Variants in CAPRIN2 observed in about 807,000 individuals in gnomAD.
CAPRIN2 encodes the protein caprin family member 2, also known as caprin-2.
CAPRIN2 carries 66 observed loss-of-function variants against 130.4 expected under a neutral mutation model. The ratio of observed to expected loss-of-function variants is 0.51; its 90% CI spans 0.42 to 0.62. CAPRIN2 has a LOEUF of 0.62. Among genes scored for constraint, CAPRIN2 ranks in the 20% least tolerant of loss-of-function variants. The pLI is 0.00. For missense variants in CAPRIN2, 1,185 were observed against 1,246.6 expected, an observed-to-expected ratio of 0.95 and a Z score of 0.74; for synonymous variants, 471 against 444.1, an observed-to-expected ratio of 1.06 and a Z score of -0.76.
intron 8 of CAPRIN2, 39 bp downstream of exon 9, chr12:30,728,609 C>T (rs768243834): frequency 1.2e-5 from 18 of 1,496,652 alleles, no homozygotes; most frequent in Non-Finnish European, 2.7e-6. Context: ...CTTATTTATG[C>T]CTACACTTAC....
intron 2 of CAPRIN2, among the ~76,000 whole-genome samples, chr12:30,741,490 A>C (rs2067415455): frequency 6.6e-6 from 1 of 152,210 alleles, no homozygotes; most frequent in Non-Finnish European, 1.5e-5. Flanking sequence ...GAGATGAACA[A>C]GCAACTTCAA....
At chr12:30,746,482 T>A (rs1163133963) in intron 2 of CAPRIN2, among the ~76,000 whole-genome samples, 2 of 152,192 alleles carry the variant, frequency 1.3e-5, no homozygotes, top group South Asian at 2.1e-4. Context: ...CTTTGGGTGA[T>A]GATGATGTGT....
At chr12:30,746,064 T>C (rs963568605) in intron 2 of CAPRIN2, among the ~76,000 whole-genome samples, 1 of 152,332 alleles carries the variant, frequency 6.6e-6, no homozygotes, top group South Asian at 2.1e-4. Context: ...GCACAGATAG[T>C]TTCTCACACA....
chr12:30,715,355 T>G, intron 13 of CAPRIN2: 1 of 626,022 alleles, frequency 1.6e-6, no homozygotes, highest in East Asian at 3.1e-5. Flanking sequence ...GGAAGAAAAT[T>G]TTGACCCATG....
chr12:30,742,033 C>T (rs1159864697), intron 2 of CAPRIN2, among the ~76,000 whole-genome samples: 1 of 151,952 alleles, frequency 6.6e-6, no homozygotes, highest in Non-Finnish European at 1.5e-5. Flanking sequence ...GTAAAAGAAG[C>T]CAGATGCAGA....
rs529923251 is a variant in CAPRIN2 at position 30,716,015 on chromosome 12, C to G, written c.2317+493G>C. 4.8e-3 allele frequency: 747 copies of G among 155,726 alleles called. 1 individual carries two copies. The highest frequency in any genetic ancestry group is 8.3e-3 in the Non-Finnish European group (589 of 70,558). The allele number at this position is 155,726 out of a possible 1,614,324, so 9.6% of individuals were successfully genotyped here. On this transcript the variant is annotated intron_variant, in intron 13 of 16. Transcript: ENST00000298892. ...TTAAATTTAAATTAAGAAATGAGTA[C>G]AAAGTTACCTATTCTTTCATGATTT...
chr12:30,744,475 G>T (rs2068962312), intron 2 of CAPRIN2, among the ~76,000 whole-genome samples: 1 of 152,102 alleles, frequency 6.6e-6, no homozygotes, highest in Non-Finnish European at 1.5e-5. Context: ...AAGGCTCTTT[G>T]TAAAAAACCA....
chr12:30,717,455 A>G (rs2057995476), intron 12 of CAPRIN2, among the ~76,000 whole-genome samples: 1 of 152,194 alleles, frequency 6.6e-6, no homozygotes, highest in Non-Finnish European at 1.5e-5. Flanking sequence ...TTTAATGAGT[A>G]CTGAGTTTCT....
At chr12:30,731,861 T>G (rs1036440356) in intron 5 of CAPRIN2, among the ~76,000 whole-genome samples, 10 of 151,918 alleles carry the variant, frequency 6.6e-5, no homozygotes, top group African/African-American at 2.4e-4. Flanking sequence ...ATCAAGTATG[T>G]CACAAAAGCA....
At chr12:30,747,375 G>T (rs146566413) in intron 2 of CAPRIN2, among the ~76,000 whole-genome samples, 6 of 152,064 alleles carry the variant, frequency 3.9e-5, no homozygotes, top group Non-Finnish European at 8.8e-5. Flanking sequence ...TGACTTTCAC[G>T]TCTTCTTAAG....
At chr12:30,754,242 A>AAT in exon 1 of CAPRIN2, 1 of 156,610 alleles carries the variant, frequency 6.4e-6, no homozygotes. Flanking sequence ...TGTTTGGTTT[A>AAT]GACTAGCCCA....
exon 8 of CAPRIN2, chr12:30,728,921 T>C (rs1163854125): frequency 6.2e-7 from 1 of 1,614,094 alleles, no homozygotes; most frequent in Non-Finnish European, 8.5e-7. Flanking sequence ...GATCTTGTTC[T>C]TTCTGCAGCT....
chr12:30,714,539 AAC>A (rs1386783584), intron 14 of CAPRIN2, among the ~76,000 whole-genome samples: 2 of 152,178 alleles, frequency 1.3e-5, no homozygotes, highest in African/African-American at 4.8e-5. Context: ...GAACCATAAC[AAC>A]AGTTTAAGAG....
chr12:30,742,132 T>C (rs112532809), intron 2 of CAPRIN2, among the ~76,000 whole-genome samples: 2,353 of 152,184 alleles, frequency 0.015, 59 homozygotes, highest in African/African-American at 0.053. Context: ...GGGGGGATGA[T>C]AGGAATACTC....
chr12:30,752,295 G>A (rs751308185), intron 1 of CAPRIN2, among the ~76,000 whole-genome samples: 3 of 152,042 alleles, frequency 2.0e-5, no homozygotes, highest in Non-Finnish European at 4.4e-5. Context: ...TTTCCCAGAA[G>A]GTTGAAACAA....
chr12:30,753,665 G>C (rs1211155180), exon 1 of CAPRIN2: 1 of 1,614,190 alleles, frequency 6.2e-7, no homozygotes, highest in Non-Finnish European at 8.5e-7. Context: ...GACACAGCCA[G>C]GCAATAACTT....
chr12:30,752,418 C>T lies in CAPRIN2; in HGVS notation c.420+926G>A, dbSNP rs12228279. 1.8e-4 allele frequency among the ~76,000 whole-genome samples: 28 copies of T among 152,222 alleles called. No individual in the cohort carries two copies. In the East Asian group the frequency reaches 4.4e-3, roughly 24 times the overall value. On this transcript the variant is annotated intron_variant, in intron 1 of 16. Coordinates refer to ENST00000298892, the Ensembl canonical transcript of CAPRIN2. ...CCTGAGGGAGGCTCCGTCAATAGAT[C>T]CTGCTTTGATCATTTATCACAGTGA... is the stretch of plus-strand genomic sequence containing the variant.
chr12:30,722,799 C>G (rs1285292836), intron 11 of CAPRIN2, among the ~76,000 whole-genome samples: 1 of 152,032 alleles, frequency 6.6e-6, no homozygotes, highest in Non-Finnish European at 1.5e-5. Context: ...ACTCGGGAGG[C>G]TGAGACACAG....
chr12:30,715,682 C>G (rs1246958374), intron 13 of CAPRIN2: 2 of 222,356 alleles, frequency 9.0e-6, no homozygotes, highest in Admixed American at 5.3e-5. Flanking sequence ...GTTATGTATA[C>G]TTTACGACAA....
Sources: gnomAD v4.1 joint callset for allele counts (sites outside exome capture counted in the v4.1 genomes callset) on GRCh38, gnomAD v4.1.1 for gene constraint, MANE v1.5 for transcripts, NCBI Gene and HGNC (gene_info 2026-07-23, HGNC 2026-07-21) for gene names.